The following CALN1 variants were observed in gnomAD, a reference collection of about 807,000 sequenced individuals.
The protein encoded by CALN1 is calcium-binding protein 8.
Under a neutral mutation model 30.6 loss-of-function variants are expected in CALN1, and 17 were observed. The observed-to-expected ratio is 0.56, with a 90% CI of 0.38 to 0.83. The LOEUF is 0.83. Among genes scored for constraint, CALN1 ranks in the 40% least tolerant of loss-of-function variants. The pLI, the probability that CALN1 is intolerant of heterozygous loss-of-function variation, is 0.00. For missense variants in CALN1, 291 were observed against 354.9 expected (o/e 0.82, Z 1.45); for synonymous variants, 156 against 131.4 (o/e 1.19, Z -1.28).
chr7:72,079,205 T>A (rs1177171462), intron 4 of CALN1, among the ~76,000 whole-genome samples: 1 of 152,162 alleles, frequency 6.6e-6, no homozygotes, highest in Non-Finnish European at 1.5e-5. Flanking sequence ...ATTGTTCAGA[T>A]CATACTGGGA....
At chr7:71,947,120 C>T (rs1262249536) in intron 5 of CALN1, among the ~76,000 whole-genome samples, 2 of 152,096 alleles carry the variant, frequency 1.3e-5, no homozygotes, top group African/African-American at 2.4e-5. Context: ...AAGCCATTCT[C>T]GTGCCACAGC....
At chr7:71,911,757 C>T (rs180819814) in intron 5 of CALN1, among the ~76,000 whole-genome samples, 2 of 152,234 alleles carry the variant, frequency 1.3e-5, no homozygotes, top group Admixed American at 1.3e-4. Flanking sequence ...CTCACTAAAT[C>T]AGAAGGGCCT....
rs1354328924 is a variant in CALN1 at position 72,353,591 on chromosome 7, C to T, written c.119+49660G>A. Among the ~76,000 whole-genome samples the T allele has an allele frequency of 3.3e-5, 5 of 151,980 alleles. No homozygotes were observed. In the East Asian group the frequency reaches 9.7e-4, roughly 29 times the overall value. On this transcript the variant is annotated intron_variant, in intron 2 of 6. Transcript: ENST00000395275. ...AACTTTTTCATCCTGCTAAGGGGTA[C>T]TACAAAAAAACCTACAGCTAACATC...
chr7:72,037,624 A>G (rs1257747884), intron 4 of CALN1, among the ~76,000 whole-genome samples: 1 of 152,198 alleles, frequency 6.6e-6, no homozygotes, highest in Non-Finnish European at 1.5e-5. Context: ...GATCCCTGAT[A>G]TTTCGAGGAC....
chr7:72,459,426 C>T, the CALN1 span, among the ~76,000 whole-genome samples: 3 of 152,004 alleles, frequency 2.0e-5, no homozygotes, highest in East Asian at 5.8e-4. Flanking sequence ...CCTGACATTG[C>T]CAAAATTTTC....
intron 2 of CALN1, among the ~76,000 whole-genome samples, chr7:72,312,908 C>T (rs930270484): frequency 4.6e-5 from 7 of 151,846 alleles, no homozygotes; most frequent in Admixed American, 3.3e-4. Context: ...AATCTCGGCT[C>T]ACTGCAACCT....
intron 5 of CALN1, among the ~76,000 whole-genome samples, chr7:71,890,679 A>G (rs2116879302): frequency 6.6e-6 from 1 of 151,534 alleles, no homozygotes; most frequent in South Asian, 2.1e-4. Context: ...CTATACCTAT[A>G]TACCTATACC....
chr7:71,964,393 A>G (rs924347137), intron 5 of CALN1, among the ~76,000 whole-genome samples: 6 of 152,124 alleles, frequency 3.9e-5, no homozygotes, highest in African/African-American at 1.2e-4. Flanking sequence ...CCGTCTGCAG[A>G]CAGCTTGTGT....
intron 2 of CALN1, among the ~76,000 whole-genome samples, chr7:72,314,074 T>C (rs117183115): frequency 2.0e-5 from 3 of 152,024 alleles, no homozygotes; most frequent in East Asian, 3.9e-4. Flanking sequence ...TTGGCAGCAA[T>C]GAATAAGAGG....
At chr7:72,084,637 G>A (rs1212912615) in intron 4 of CALN1, among the ~76,000 whole-genome samples, 1 of 151,894 alleles carries the variant, frequency 6.6e-6, no homozygotes. Flanking sequence ...CTGGGATTAC[G>A]ATACTTTTGT....
chr7:72,468,731 AT>A, the CALN1 span, among the ~76,000 whole-genome samples: 49 of 151,748 alleles, frequency 3.2e-4, no homozygotes, highest in East Asian at 4.1e-3. Flanking sequence ...CAACACTTAA[AT>A]TTTTTTTTAA....
At chr7:72,153,118 G>C (rs1016309042) in intron 3 of CALN1, among the ~76,000 whole-genome samples, 3 of 152,146 alleles carry the variant, frequency 2.0e-5, no homozygotes, top group African/African-American at 7.2e-5. Context: ...GTTAAGACTG[G>C]CACTTCTTGC....
chr7:72,030,843 C>T (rs910478018), intron 4 of CALN1, among the ~76,000 whole-genome samples: 1 of 151,824 alleles, frequency 6.6e-6, no homozygotes, highest in African/African-American at 2.4e-5. Context: ...AACTCCTCGG[C>T]TGAAGGGATC....
intron 3 of CALN1, among the ~76,000 whole-genome samples, chr7:72,151,781 A>G (rs893168694): frequency 1.3e-5 from 2 of 152,158 alleles, no homozygotes; most frequent in Non-Finnish European, 2.9e-5. Flanking sequence ...GCACAGTCAT[A>G]GCTCACTGCA....
intron 1 of CALN1, among the ~76,000 whole-genome samples, chr7:72,435,842 G>C (rs1455131919): frequency 6.6e-6 from 1 of 152,208 alleles, no homozygotes; most frequent in Non-Finnish European, 1.5e-5. Context: ...AATTCAGCGT[G>C]TAATAACCTG....
rs1282905330 is a variant in CALN1, at chr7:71,816,753, A to G, written c.502-6261T>C. Among the ~76,000 whole-genome samples the G allele has an allele frequency of 2.0e-5, 3 of 152,264 alleles. No individual in the cohort carries two copies. In the East Asian group the frequency reaches 5.8e-4, roughly 29 times the overall value. On this transcript the variant is annotated intron_variant, in intron 5 of 6. Transcript: ENST00000395275. ...TCACGAGGTCAGGAGTTCGATCACG[A>G]GGTCAGGAGTTCGAGACTAGCCTGA...
intron 2 of CALN1, among the ~76,000 whole-genome samples, chr7:72,319,276 C>T (rs2129557135): frequency 6.6e-6 from 1 of 152,296 alleles, no homozygotes. Context: ...ACTCACGGTT[C>T]CACATGGCTG....
intron 3 of CALN1, among the ~76,000 whole-genome samples, chr7:72,141,632 G>C (rs963027173): frequency 2.6e-5 from 4 of 151,950 alleles, no homozygotes; most frequent in African/African-American, 9.7e-5. Context: ...GCAATGGTGT[G>C]ATCTCAGATC....
chr7:71,894,402 C>T (rs1793423918), intron 5 of CALN1, among the ~76,000 whole-genome samples: 1 of 152,044 alleles, frequency 6.6e-6, no homozygotes, highest in South Asian at 2.1e-4. Context: ...ATTGCTGGGA[C>T]TACAGGCACA....
Sources: gnomAD v4.1 joint callset for allele counts (sites outside exome capture counted in the v4.1 genomes callset) on GRCh38, gnomAD v4.1.1 for gene constraint, MANE v1.5 for transcripts, NCBI Gene and HGNC (gene_info 2026-07-23, HGNC 2026-07-21) for gene names.